MELK: variants seen among roughly 807,000 people sequenced by gnomAD.
MELK encodes pEg3 kinase.
Under a neutral mutation model 85.0 loss-of-function variants are expected in MELK, and 81 were observed. That is an observed-to-expected ratio of 0.95 (90% CI 0.80 to 1.15). The LOEUF (loss-of-function observed/expected upper bound fraction) is 1.15. Among genes scored for constraint, MELK ranks in the 50% most tolerant of loss-of-function variants. The probability of loss-of-function intolerance (pLI) is 0.00; values close to 1 mark genes in which losing one functional copy is unlikely to be tolerated. For missense variants in MELK, 754 were observed against 777.5 expected, an observed-to-expected ratio of 0.97 and a Z score of 0.36; for synonymous variants, 252 against 265.0, an observed-to-expected ratio of 0.95 and a Z score of 0.48.
At chr9:36,631,650 A>G (rs1429654519) in intron 9 of MELK, among the ~76,000 whole-genome samples, 3 of 151,934 alleles carry the variant, frequency 2.0e-5, no homozygotes, top group Admixed American at 2.0e-4. Context: ...ATCTTGGCCC[A>G]CTACAGCCTT....
chr9:36,661,361 G>T (rs1831796075), intron 13 of MELK, among the ~76,000 whole-genome samples: 1 of 152,184 alleles, frequency 6.6e-6, no homozygotes, highest in South Asian at 2.1e-4. Context: ...TGAAGGTATA[G>T]ATTTCAGTTT....
chr9:36,575,994 A>T (rs1488051350), intron 1 of MELK, among the ~76,000 whole-genome samples: 1 of 152,124 alleles, frequency 6.6e-6, no homozygotes, highest in African/African-American at 2.4e-5. Flanking sequence ...GGAATTTCTT[A>T]GTCCTATGGT....
At chr9:36,639,775 C>T (rs183167749) in intron 10 of MELK, among the ~76,000 whole-genome samples, 112 of 152,320 alleles carry the variant, frequency 7.4e-4, no homozygotes, top group Admixed American at 5.5e-3. Flanking sequence ...TCTTCCATCT[C>T]CTGCCTTTCT....
At chr9:36,585,971 A>G (rs1822853589) in intron 3 of MELK, among the ~76,000 whole-genome samples, 1 of 152,078 alleles carries the variant, frequency 6.6e-6, no homozygotes, top group African/African-American at 2.4e-5. Flanking sequence ...TTATTGTTGG[A>G]ATGAGATAGG....
chr9:36,671,279 C>A, intron 16 of MELK, 113 bp downstream of exon 16: 2 of 1,177,248 alleles, frequency 1.7e-6, no homozygotes, highest in South Asian at 2.4e-5. Flanking sequence ...AGTATTTATT[C>A]ACTTAGTTAA....
At chr9:36,604,889 C>T (rs771367161) in intron 7 of MELK, among the ~76,000 whole-genome samples, 9 of 151,004 alleles carry the variant, frequency 6.0e-5, no homozygotes, top group Non-Finnish European at 1.0e-4. Flanking sequence ...GTGATCTGCC[C>T]GCCTTGGCTT....
chr9:36,578,472 A>G (rs1587299177), intron 1 of MELK, among the ~76,000 whole-genome samples: 1 of 152,154 alleles, frequency 6.6e-6, no homozygotes, highest in East Asian at 1.9e-4. Context: ...AGTAAAAATC[A>G]TTAGATGTAT....
intron 7 of MELK, among the ~76,000 whole-genome samples, 153 bp from the exon 8 acceptor site, chr9:36,607,422 T>A (rs1825665242): frequency 6.6e-6 from 1 of 152,236 alleles, no homozygotes; most frequent in Non-Finnish European, 1.5e-5. Flanking sequence ...AGCTTCAGGT[T>A]CTCTGACTAT....
chr9:36,600,436 T>C (rs140721992), intron 7 of MELK, among the ~76,000 whole-genome samples: 1 of 152,048 alleles, frequency 6.6e-6, no homozygotes, highest in Non-Finnish European at 1.5e-5. Flanking sequence ...CAGGCTGGAG[T>C]GCAGTGGCAC....
intron 4 of MELK, among the ~76,000 whole-genome samples, chr9:36,593,625 T>C (rs986208236): frequency 5.3e-5 from 8 of 152,254 alleles, no homozygotes; most frequent in African/African-American, 1.9e-4. Flanking sequence ...TCTTTTGCTT[T>C]TACAAACACT....
intron 11 of MELK, among the ~76,000 whole-genome samples, chr9:36,649,549 A>G (rs1830507574): frequency 6.6e-6 from 1 of 152,068 alleles, no homozygotes; most frequent in Admixed American, 6.6e-5. Flanking sequence ...CAGGTGGATC[A>G]TTTGAGACCA....
intron 13 of MELK, among the ~76,000 whole-genome samples, chr9:36,664,729 A>T (rs897128826): frequency 2.6e-5 from 4 of 152,172 alleles, no homozygotes; most frequent in African/African-American, 9.7e-5. Context: ...CTTTGGTTCT[A>T]ACTCACCACC....
intron 14 of MELK, among the ~76,000 whole-genome samples, chr9:36,668,154 A>G (rs1380298624): frequency 6.6e-6 from 1 of 152,300 alleles, no homozygotes; most frequent in African/African-American, 2.4e-5. Flanking sequence ...AGGCATTGGC[A>G]GTTTGTTGAA....
chr9:36,653,689 G>A (rs1830935886), intron 12 of MELK, among the ~76,000 whole-genome samples: 1 of 152,062 alleles, frequency 6.6e-6, no homozygotes, highest in Non-Finnish European at 1.5e-5. Context: ...TCAGAGAAAG[G>A]TAGTTGGTTG....
intron 11 of MELK, among the ~76,000 whole-genome samples, chr9:36,648,059 A>T (rs1830383543): frequency 1.3e-5 from 2 of 152,216 alleles, no homozygotes. Flanking sequence ...AAAAGTTAAC[A>T]CTTTTGTAGG....
intron 7 of MELK, among the ~76,000 whole-genome samples, chr9:36,604,191 A>G (rs1049307888): frequency 6.9e-6 from 1 of 145,148 alleles, no homozygotes; most frequent in Non-Finnish European, 1.5e-5. Flanking sequence ...CTGGTCTTGA[A>G]CTCCCAACCT....
chr9:36,647,855 T>G (rs891647328), intron 11 of MELK, among the ~76,000 whole-genome samples: 1 of 152,172 alleles, frequency 6.6e-6, no homozygotes, highest in Admixed American at 6.5e-5. Context: ...TTTCATAATT[T>G]ATGACACTAT....
In MELK at chr9:36,594,786, C is replaced by T. The variant is rs187418273; in HGVS notation, c.405+15C>T. ...ACCTCAAGCCAGTAAGTGACTGCAT[C>T]ACAGTTAGATGCTCACCTTCAGCGT... On this transcript the variant is annotated intron_variant, in intron 5 of 17. Transcript: ENST00000298048. 8 of 1,609,504 alleles carry T rather than the reference C, an allele frequency of 5.0e-6. No individual in the cohort carries two copies.
In MELK at chr9:36,597,233, G is replaced by C. The variant is rs776774130; in HGVS notation, c.417G>C (p.Leu139=). Residue 139 remains leucine (L), a synonymous_variant, in exon 6 of 18, where the codon CTG becomes CTC. Coordinates refer to ENST00000298048, the MANE Select transcript of MELK (RefSeq NM_014791.4). ...AHRDLKPENL[L]FDEYHKLKLI... is the part of the protein sequence containing the mutation. ...CTTTGTTTTCCCAGGAAAATTTGCT[G>C]TTTGATGAATATCATAAATTAAAGC... is the stretch of plus-strand genomic sequence containing the variant. 2.5e-6 allele frequency: 4 copies of C among 1,613,486 alleles called. No individual in the cohort carries two copies. Among genetic ancestry groups the C allele is most frequent in the Non-Finnish European group, 2.5e-6 (3 of 1,179,482 alleles).
Sources: allele counts gnomAD v4.1 joint callset (sites outside exome capture counted in the v4.1 genomes callset), GRCh38; gene constraint gnomAD v4.1.1; transcripts MANE v1.5; gene names NCBI Gene and HGNC (gene_info 2026-07-23, HGNC 2026-07-21).